PGCKA1: variants seen among roughly 807,000 people sequenced by gnomAD.
PGCKA1 encodes PDCD10 and GCKIII kinases associated 1.
At chr4:37,530,748 G>A in the PGCKA1 span, among the ~76,000 whole-genome samples, 2 of 151,692 alleles carry the variant, frequency 1.3e-5, no homozygotes, top group Non-Finnish European at 2.9e-5. Context: ...AGACCTAAGC[G>A]GGCGGTTCAC....
the PGCKA1 span, among the ~76,000 whole-genome samples, chr4:37,539,541 C>A: frequency 6.6e-6 from 1 of 152,324 alleles, no homozygotes; most frequent in South Asian, 2.1e-4. Context: ...GTAATCCCAG[C>A]TACTCCAGAG....
the PGCKA1 span, among the ~76,000 whole-genome samples, chr4:37,554,519 T>G: frequency 6.6e-6 from 1 of 152,164 alleles, no homozygotes; most frequent in African/African-American, 2.4e-5. Flanking sequence ...GGCTAATTTT[T>G]GTACTTTTAG....
the PGCKA1 span, among the ~76,000 whole-genome samples, chr4:37,592,242 C>T: frequency 2.0e-5 from 3 of 146,912 alleles, no homozygotes; most frequent in African/African-American, 7.5e-5. Flanking sequence ...CTAAGCTAGG[C>T]ACAGTGGCTC....
chr4:37,464,124 G>C, the PGCKA1 span, among the ~76,000 whole-genome samples: 1 of 152,140 alleles, frequency 6.6e-6, no homozygotes, highest in African/African-American at 2.4e-5. Flanking sequence ...CCTCTATTCA[G>C]TTTAAGTGAG....
At chr4:37,465,072 G>A in the PGCKA1 span, among the ~76,000 whole-genome samples, 1 of 152,038 alleles carries the variant, frequency 6.6e-6, no homozygotes, top group Non-Finnish European at 1.5e-5. Context: ...TAACAAAGGT[G>A]GCATTTATAA....
chr4:37,538,073 A>T, the PGCKA1 span, among the ~76,000 whole-genome samples: 2 of 151,670 alleles, frequency 1.3e-5, no homozygotes, highest in Non-Finnish European at 2.9e-5. Context: ...CCTGTCACAC[A>T]CACACACACA....
the PGCKA1 span, among the ~76,000 whole-genome samples, chr4:37,576,207 C>CAAATCATAATATGATATTG: frequency 6.6e-6 from 1 of 152,072 alleles, no homozygotes; most frequent in Non-Finnish European, 1.5e-5. Flanking sequence ...TTGATTCTTC[C>CAAATCATAATATGATATTG]AATCCATAAT....
the PGCKA1 span, among the ~76,000 whole-genome samples, chr4:37,518,993 C>A: frequency 6.6e-6 from 1 of 152,160 alleles, no homozygotes; most frequent in Admixed American, 6.5e-5. Context: ...ATATGGATAT[C>A]CAGTCTTCCC....
the PGCKA1 span, among the ~76,000 whole-genome samples, chr4:37,462,174 AT>A: frequency 3.3e-5 from 5 of 152,132 alleles, no homozygotes; most frequent in Admixed American, 6.5e-5. Context: ...TAGTGGGGAA[AT>A]TTTTTTGGCA....
the PGCKA1 span, among the ~76,000 whole-genome samples, chr4:37,490,067 C>T: frequency 6.6e-6 from 1 of 152,022 alleles, no homozygotes; most frequent in African/African-American, 2.4e-5. Context: ...ATGAATCAAT[C>T]TAAGATTCTT....
chr4:37,590,784 T>C, the PGCKA1 span: 1 of 1,614,056 alleles, frequency 6.2e-7, no homozygotes, highest in South Asian at 1.1e-5. Flanking sequence ...ATTCATTGAA[T>C]GAGGATGTGG....
At chr4:37,527,985 T>G in the PGCKA1 span, among the ~76,000 whole-genome samples, 5 of 152,232 alleles carry the variant, frequency 3.3e-5, no homozygotes, top group Non-Finnish European at 5.9e-5. Flanking sequence ...CTCTGTGATG[T>G]TCACACGACA....
At chr4:37,543,951 A>G in the PGCKA1 span, among the ~76,000 whole-genome samples, 3 of 152,154 alleles carry the variant, frequency 2.0e-5, no homozygotes, top group Admixed American at 1.3e-4. Flanking sequence ...ATCCTTGGTA[A>G]TACTTTTGCC....
chr4:37,491,095 A>C, the PGCKA1 span, among the ~76,000 whole-genome samples: 1 of 152,198 alleles, frequency 6.6e-6, no homozygotes, highest in African/African-American at 2.4e-5. Flanking sequence ...AGGTTCCTTA[A>C]GGAAAAGAGC....
At chr4:37,546,825 C>T in the PGCKA1 span, among the ~76,000 whole-genome samples, 50,357 of 152,192 alleles carry the variant, frequency 0.33, 8,779 homozygotes, top group Middle Eastern at 0.42. Context: ...GCAATTGCCC[C>T]GGTGGAACGC....
the PGCKA1 span, among the ~76,000 whole-genome samples, chr4:37,571,637 A>T: frequency 6.6e-6 from 1 of 151,998 alleles, no homozygotes; most frequent in Non-Finnish European, 1.5e-5. Context: ...TCCCAGGTTC[A>T]CACCATTCTC....
At chr4:37,543,331 A>G in the PGCKA1 span, among the ~76,000 whole-genome samples, 48 of 152,318 alleles carry the variant, frequency 3.2e-4, no homozygotes, top group African/African-American at 1.1e-3. Context: ...GAGGAATTTT[A>G]TAACTGTGTA....
chr4:37,591,574 A>C, the PGCKA1 span: 2 of 152,310 alleles, frequency 1.3e-5, no homozygotes, highest in East Asian at 3.8e-4. Context: ...CAGTTTTCAC[A>C]GTAGAGCAGA....
chr4:37,588,636 C>T, the PGCKA1 span: 1 of 520,146 alleles, frequency 1.9e-6, no homozygotes, highest in Non-Finnish European at 3.4e-6. Flanking sequence ...AGGCAAGTGT[C>T]AGTGAACGTT....
Sources: allele counts gnomAD v4.1 joint callset (sites outside exome capture counted in the v4.1 genomes callset), GRCh38; gene constraint gnomAD v4.1.1; transcripts MANE v1.5; gene names NCBI Gene and HGNC (gene_info 2026-07-23, HGNC 2026-07-21).